Variants in MNX1 observed in about 807,000 individuals in gnomAD.
MNX1 encodes motor neuron and pancreas homeobox 1.
In MNX1, 2 loss-of-function variants were observed where a neutral mutation model predicts 17.3. The ratio of observed to expected loss-of-function variants is 0.12; its 90% confidence interval spans 0.05 to 0.36. The LOEUF is 0.36. MNX1 is among the 10% of genes least tolerant of loss of function. The pLI is 1.00. For synonymous variants in MNX1, 306 were observed against 283.1 expected (o/e 1.08, Z -0.81); for missense variants, 556 against 564.7 (o/e 0.98, Z 0.16).
rs1805598835 is a variant in MNX1, at chr7:157,006,375, G to A, written c.852+104C>T. 4.5e-6 allele frequency: 6 copies of A among 1,318,724 alleles called. No homozygotes were observed. Among genetic ancestry groups the A allele is most frequent in the African/African-American group, 1.5e-5 (1 of 68,504 alleles). 81.7% of individuals were successfully genotyped at this position (1,318,724 alleles called of 1,614,324 possible). ...CCGTGCGCCCGCCGTCTGAACCGTC[G>A]AGGCGCAGCGCTAGATGCCTCAGAC... On this transcript the variant is annotated intron_variant, in intron 2 of 2. Transcript: ENST00000252971. The surrounding 1 kb of genome is among the most constrained non-coding windows in gnomAD (Gnocchi z 6.3).
At chr7:157,008,081 G>A (rs1805637189) in intron 1 of MNX1, 1 of 152,220 alleles carries the variant, frequency 6.6e-6, no homozygotes, top group South Asian at 2.1e-4. Flanking sequence ...GACTGGTTGT[G>A]TTTAAAATTT....
Position 157,010,219 on chromosome 7 carries a change from G to GCCA in MNX1, c.129_131dup (p.Gly49dup). On this transcript the variant is annotated inframe_insertion, in exon 1 of 3. Coordinates refer to ENST00000252971, the MANE Select transcript of MNX1 (RefSeq NM_005515.4). ...CGCCGCTCGCCCCGCCGCCGCCGCC[G>GCCA]CCACCTCCGGTGCCAGATGCGGCGG... is the stretch of plus-strand genomic sequence containing the variant. The GCCA allele has an allele frequency of 8.0e-7, 1 of 1,248,590 alleles. No homozygotes were observed. Among genetic ancestry groups the GCCA allele is most frequent in the Non-Finnish European group, 1.0e-6 (1 of 988,958 alleles). 77.3% of individuals were successfully genotyped at this position (1,248,590 alleles called of 1,614,324 possible).
intron 1 of MNX1, chr7:157,008,847 G>C (rs752880957): frequency 1.3e-6 from 1 of 749,754 alleles, no homozygotes; most frequent in South Asian, 1.8e-5. Flanking sequence ...CCCCAGCCCG[G>C]AGAGTCCGCG....
rs1805602338 is a variant in MNX1, at chr7:157,006,511, C to T, written c.820G>A (p.Val274Met). Reference protein sequence around the residue: ...KYLSRPKRFEVATSLMLTETQ... With the variant: ...KYLSRPKRFEMATSLMLTETQ... ...TCGGTGAGCATGAGCGAGGTGGCCACCTCGAAGCGCTTGGGCCGCGACAGG... is the reference window on the plus strand; with the variant it reads ...TCGGTGAGCATGAGCGAGGTGGCCATCTCGAAGCGCTTGGGCCGCGACAGG... Residue 274 changes from valine (V) to methionine (M), a missense_variant, in exon 2 of 3, where the codon GTG becomes ATG. Coordinates refer to ENST00000252971, the MANE Select transcript of MNX1 (RefSeq NM_005515.4). This position sits in a 1 kb window ranked among gnomAD's most constrained non-coding sequence, Gnocchi z 6.3. 2.5e-6 allele frequency: 4 copies of T among 1,611,212 alleles called. No individual in the cohort carries two copies. The highest frequency in any genetic ancestry group is 3.4e-6 in the Non-Finnish European group (4 of 1,179,366).
rs1224882994 is a variant in MNX1 at position 157,005,673 on chromosome 7, C to T, written c.1053G>A (p.Leu351=). ...DKGSGRRLRD[L]RDSDPEEDED... ...CGTCCTCCTCGGGGTCACTGTCCCTCAAGTCCCGCAGGCGGCGTCCGCTGC... is the reference window on the plus strand; with the variant it reads ...CGTCCTCCTCGGGGTCACTGTCCCTTAAGTCCCGCAGGCGGCGTCCGCTGC... The change falls in exon 3 of 3, where the codon TTG becomes TTA. Residue 351 remains leucine (L), a synonymous_variant. Transcript: ENST00000252971. 8 of 1,610,872 alleles carry T rather than the reference C, an allele frequency of 5.0e-6. No individual in the cohort carries two copies. The highest frequency in any genetic ancestry group is 5.9e-6 in the Non-Finnish European group (7 of 1,179,354).
In MNX1 at chr7:157,010,421, G is replaced by C; in HGVS notation, c.-71C>G. 1 of 1,236,482 alleles carries C rather than the reference G, an allele frequency of 8.1e-7. No homozygotes were observed. The highest frequency in any genetic ancestry group is 1.1e-6 in the Non-Finnish European group (1 of 885,728). 76.6% of individuals were successfully genotyped at this position (1,236,482 alleles called of 1,614,324 possible). A position where few individuals can be genotyped will look rare whatever the true frequency, so the allele number is the denominator to read the frequency against. On this transcript the variant is annotated 5_prime_UTR_variant, in exon 1 of 3. Coordinates refer to ENST00000252971, the MANE Select transcript of MNX1 (RefSeq NM_005515.4). ...GGCCGTGTGCGGGCTCGCGGAGTCAGTGCGTGCGGTGCAAGCCCGGGGGCT... is the reference window on the plus strand; with the variant it reads ...GGCCGTGTGCGGGCTCGCGGAGTCACTGCGTGCGGTGCAAGCCCGGGGGCT...
In MNX1 at chr7:157,009,827, A is replaced by G. The variant is rs1326954208; in HGVS notation, c.524T>C (p.Leu175Pro). The G allele has an allele frequency of 4.6e-6, 7 of 1,519,618 alleles. No individual in the cohort carries two copies. Among genetic ancestry groups the G allele is most frequent in the Non-Finnish European group, 6.1e-6 (7 of 1,141,646 alleles). 94.1% of individuals were successfully genotyped at this position (1,519,618 alleles called of 1,614,324 possible). A position where few individuals can be genotyped will look rare whatever the true frequency, so the allele number is the denominator to read the frequency against. ...GYSAAAAAAA[L>P]AGQHPALSYS... ...GGAGAGCGCCGGGTGCTGGCCCGCC[A>G]GCGCAGCCGCCGCCGCCGCCGCGGA... Residue 175 changes from leucine to proline, a missense_variant, in exon 1 of 3, where the codon CTG (leucine) becomes CCG (proline). By Grantham distance (98) the Leu-to-Pro change is moderately conservative (BLOSUM62 -3). Transcript: ENST00000252971.
In MNX1 at chr7:157,006,387, T is replaced by C. The variant is rs2270210; in HGVS notation, c.852+92A>G. On this transcript the variant is annotated intron_variant, in intron 2 of 2. Coordinates refer to ENST00000252971, the MANE Select transcript of MNX1 (RefSeq NM_005515.4). This position sits in a 1 kb window ranked among gnomAD's most constrained non-coding sequence, Gnocchi z 6.3. ...CGTCTGAACCGTCGAGGCGCAGCGC[T>C]AGATGCCTCAGACCGCCCGTGGGTC... The C allele has an allele frequency of 0.13, 180,986 of 1,412,262 alleles. 18,096 individuals are homozygous for C. The highest frequency in any genetic ancestry group is 0.52 in the African/African-American group (36,674 of 70,556). The allele number at this position is 1,412,262 out of a possible 1,614,324, so 87.5% of individuals were successfully genotyped here.
chr7:157,008,586 C>T (rs1805646262), intron 1 of MNX1: 1 of 180,784 alleles, frequency 5.5e-6, no homozygotes, highest in South Asian at 1.7e-4. Context: ...GTCACAACCA[C>T]AGCTTCCAGC....
In MNX1 at chr7:157,010,314, G is replaced by A. The variant is rs1482917490; in HGVS notation, c.37C>T (p.Leu13=). ...KSKNFRIDAL[L]AVDPPRAASA... Reference sequence around the variant, plus strand: ...GCGGCTCGTGGGGGGTCCACCGCCAGCAGGGCGTCGATGCGGAAATTTTTG... The same window carrying A: ...GCGGCTCGTGGGGGGTCCACCGCCAACAGGGCGTCGATGCGGAAATTTTTG... The change falls in exon 1 of 3, where the codon CTG becomes TTG. Residue 13 remains leucine, a synonymous_variant. Transcript: ENST00000252971. 2 of 1,581,454 alleles carry A rather than the reference G, an allele frequency of 1.3e-6. No homozygotes were observed. Among genetic ancestry groups the A allele is most frequent in the Admixed American group, 1.7e-5 (1 of 57,384 alleles).
chr7:157,009,652 G>T lies in MNX1; in HGVS notation c.691+8C>A, dbSNP rs1184940192. 1 of 1,608,424 alleles carries T rather than the reference G, an allele frequency of 6.2e-7. No homozygotes were observed. The highest frequency in any genetic ancestry group is 8.5e-7 in the Non-Finnish European group (1 of 1,178,920). On this transcript the variant is annotated splice_region_variant and intron_variant, in intron 1 of 2. Transcript: ENST00000252971. ...CACGCGCATCCACGGGGGCCGCAGG[G>T]TACTCACAGTTGAAGTCGGGCATCT...
chr7:157,006,998 C>G lies in MNX1; in HGVS notation c.692-359G>C, dbSNP rs1400941056. ...GAGGAGAACTGAGGCCAGTCGGGGG[C>G]CAGGAAGGGAGGTTCCGGGAAGCCC... On this transcript the variant is annotated intron_variant, in intron 1 of 2. Coordinates refer to ENST00000252971, the MANE Select transcript of MNX1 (RefSeq NM_005515.4). This position sits in a 1 kb window ranked among gnomAD's most constrained non-coding sequence, Gnocchi z 6.3. 1 of 197,598 alleles carries G rather than the reference C, an allele frequency of 5.1e-6. No individual in the cohort carries two copies. The highest frequency in any genetic ancestry group is 1.0e-5 in the Non-Finnish European group (1 of 96,122). 12.2% of individuals were successfully genotyped at this position (197,598 alleles called of 1,614,324 possible).
Position 157,005,400 on chromosome 7 carries a change from GGGGCGGCGGTCGAGCCTGCTCTC to G in MNX1, c.*97_*119del, listed in dbSNP as rs1805571754. 2 of 643,582 alleles carry G rather than the reference GGGGCGGCGGTCGAGCCTGCTCTC, an allele frequency of 3.1e-6. No homozygotes were observed. The allele number at this position is 643,582 out of a possible 1,614,324, so 39.9% of individuals were successfully genotyped here. ...GCCCCGGCCTGGGCGAGGGGTCCAT[GGGGCGGCGGTCGAGCCTGCTCTC>G]GGGGCCGGGCCGGGTGGGTGCGGGC... On this transcript the variant is annotated 3_prime_UTR_variant, in exon 3 of 3. Transcript: ENST00000252971.
In MNX1 at chr7:157,006,180, GC is replaced by G; in HGVS notation, c.852+298del. Reference sequence around the variant, plus strand: ...TGCGGAGGAAGGGTCAGGGCAGCTGGCTACGTCGCGGTAAATCTCAGGATGT... The same window carrying G: ...TGCGGAGGAAGGGTCAGGGCAGCTGGTACGTCGCGGTAAATCTCAGGATGT... On this transcript the variant is annotated intron_variant, in intron 2 of 2. Transcript: ENST00000252971. This position sits in a 1 kb window ranked among gnomAD's most constrained non-coding sequence, Gnocchi z 6.3. The G allele has an allele frequency of 1.7e-6, 1 of 583,892 alleles. No homozygotes were observed. The highest frequency in any genetic ancestry group is 3.0e-6 in the Non-Finnish European group (1 of 330,010). The allele number at this position is 583,892 out of a possible 1,614,324, so 36.2% of individuals were successfully genotyped here.
rs1022779410 is a variant in MNX1 at position 157,010,403 on chromosome 7, T to G, written c.-53A>C. 4 of 1,485,774 alleles carry G rather than the reference T, an allele frequency of 2.7e-6. No homozygotes were observed. The highest frequency in any genetic ancestry group is 1.4e-5 in the African/African-American group (1 of 69,774). The allele number at this position is 1,485,774 out of a possible 1,614,324, so 92.0% of individuals were successfully genotyped here. A position where few individuals can be genotyped will look rare whatever the true frequency, so the allele number is the denominator to read the frequency against. The stretch of plus-strand genomic sequence containing the variant: ...CCCGGTGGCGGGCGACGCGGCCGTG[T>G]GCGGGCTCGCGGAGTCAGTGCGTGC... On this transcript the variant is annotated 5_prime_UTR_variant, in exon 1 of 3. Transcript: ENST00000252971.
At chr7:157,008,725 C>T (rs1805648721) in intron 1 of MNX1, 2 of 488,544 alleles carry the variant, frequency 4.1e-6, no homozygotes, top group Admixed American at 3.4e-5. Context: ...TTTGGGTGTT[C>T]GGCGGCTGAA....
At chr7:157,008,741 T>C in intron 1 of MNX1, 1 of 509,656 alleles carries the variant, frequency 2.0e-6, no homozygotes, top group Non-Finnish European at 3.5e-6. Context: ...CTGAAAGCGT[T>C]GAGCCATATA....
At chr7:157,009,348 TC>T in intron 1 of MNX1, 2 of 1,411,962 alleles carry the variant, frequency 1.4e-6, no homozygotes, top group Non-Finnish European at 1.8e-6. Context: ...CGGCTCGCCT[TC>T]CCCCGGCGAC....
chr7:157,006,881 C>T lies in MNX1; in HGVS notation c.692-242G>A, dbSNP rs973789181. On this transcript the variant is annotated intron_variant, in intron 1 of 2. Transcript: ENST00000252971. The surrounding 1 kb of genome is among the most constrained non-coding windows in gnomAD (Gnocchi z 6.3). Reference sequence around the variant, plus strand: ...TTTTTTTTTTTTTTTGTCTAGGAGACGTCTGAGTGTCCCTGTTAAACAGGG... The same window carrying T: ...TTTTTTTTTTTTTTTGTCTAGGAGATGTCTGAGTGTCCCTGTTAAACAGGG... The T allele has an allele frequency of 4.7e-5, 13 of 278,182 alleles. No individual in the cohort carries two copies. Among genetic ancestry groups the T allele is most frequent in the African/African-American group, 1.0e-4 (1 of 9,802 alleles). The allele number at this position is 278,182 out of a possible 1,614,324, so 17.2% of individuals were successfully genotyped here.
Sources: gnomAD v4.1 joint callset for allele counts on GRCh38, gnomAD v4.1.1 for gene constraint, Gnocchi (gnomAD v3.1) non-coding constraint, MANE v1.5 for transcripts, NCBI Gene and HGNC (gene_info 2026-07-23, HGNC 2026-07-21) for gene names.